The following ROCK1 variants were observed in gnomAD, a reference collection of about 807,000 sequenced individuals.
ROCK1 encodes rho-associated protein kinase 1.
ROCK1 carries 36 observed loss-of-function variants against 196.8 expected under a neutral mutation model. The ratio of observed to expected loss-of-function variants is 0.18; its 90% CI spans 0.14 to 0.24. ROCK1 has a LOEUF of 0.24. ROCK1 is among the 10% of genes least tolerant of loss of function. ROCK1 has a pLI of 1.00. For synonymous variants in ROCK1, 443 were observed against 515.9 expected, an observed-to-expected ratio of 0.86 and a Z score of 1.91; for missense variants, 920 against 1,562.0, an observed-to-expected ratio of 0.59 and a Z score of 6.93.
At position 20,953,646 on chromosome 18, in the gene ROCK1, C is replaced by T. The variant is rs1303574045; in HGVS notation, c.3993G>A (p.Thr1331=). The change falls in exon 32 of 33, where the codon ACG becomes ACA. Residue 1331 remains threonine, a synonymous_variant. Transcript: ENST00000399799. ...GATTTGCAGTGGATCTTGTAGAAAG[C>T]GTTCGAGGGGAAGCACGAACAAAAC... ...PSGFVRASPR[T]LSTRSTANQS... The T allele has an allele frequency of 4.3e-6, 7 of 1,612,560 alleles. No homozygotes were observed. Among genetic ancestry groups the T allele is most frequent in the African/African-American group, 2.7e-5 (2 of 74,788 alleles).
At chr18:21,000,570 G>A (rs1598523266) in intron 16 of ROCK1, among the ~76,000 whole-genome samples, 1 of 152,102 alleles carries the variant, frequency 6.6e-6, no homozygotes, top group African/African-American at 2.4e-5. Flanking sequence ...GCTGCCAATC[G>A]ATTTTCAACA....
At chr18:21,101,791 T>C (rs1301316169) in intron 1 of ROCK1, among the ~76,000 whole-genome samples, 1 of 151,604 alleles carries the variant, frequency 6.6e-6, no homozygotes, top group Non-Finnish European at 1.5e-5. Flanking sequence ...AATATGAATA[T>C]AAACTGGGAA....
intron 22 of ROCK1, among the ~76,000 whole-genome samples, chr18:20,974,264 G>A (rs925252352): frequency 1.3e-5 from 2 of 152,164 alleles, no homozygotes; most frequent in African/African-American, 4.8e-5. Flanking sequence ...GAGTAGAGAC[G>A]AGATGTGAAA....
chr18:21,040,529 A>G (rs1317375593), intron 8 of ROCK1, among the ~76,000 whole-genome samples: 7 of 152,202 alleles, frequency 4.6e-5, no homozygotes, highest in Non-Finnish European at 1.0e-4. Context: ...GTGCTTATAA[A>G]TAAAGAAAAT....
At chr18:21,038,610 TAGGCA>T (rs2036077969) in intron 9 of ROCK1, among the ~76,000 whole-genome samples, 10 of 152,226 alleles carry the variant, frequency 6.6e-5, no homozygotes, top group Admixed American at 6.5e-4. Context: ...CTCAACTAGA[TAGGCA>T]GTCCTTAAGA....
In ROCK1 at chr18:21,020,200, G is replaced by T. The variant is rs1473221559; in HGVS notation, c.1312C>A (p.Gln438Lys). The T allele has an allele frequency of 6.9e-6, 11 of 1,597,006 alleles. No individual in the cohort carries two copies. The highest frequency in any genetic ancestry group is 6.8e-6 in the Non-Finnish European group (8 of 1,174,924). The change falls in exon 12 of 33, where the codon CAG (glutamine) becomes AAG (lysine). Residue 438 changes from glutamine (Q) to lysine (K), a missense_variant. Coordinates refer to ENST00000399799, the MANE Select transcript of ROCK1 (RefSeq NM_005406.3). ...LQKTIYKLEE[Q>K]LHNEMQLKDE... ...TTTAACTGCATTTCATTATGCAGCTGTTCTTCCAGCTTATAGATTGTTTTT... is the reference window on the plus strand; with the variant it reads ...TTTAACTGCATTTCATTATGCAGCTTTTCTTCCAGCTTATAGATTGTTTTT...
intron 24 of ROCK1, 94 bp from the exon 25 acceptor site, chr18:20,968,954 C>CATT (rs2035400339): frequency 2.1e-6 from 2 of 959,580 alleles, no homozygotes; most frequent in African/African-American, 1.7e-5. Context: ...AATAAGTATA[C>CATT]ATTACATAGT....
chr18:21,044,124 C>G lies in ROCK1; in HGVS notation c.653G>C (p.Gly218Ala). 1 of 1,609,630 alleles carries G rather than the reference C, an allele frequency of 6.2e-7. No homozygotes were observed. The highest frequency in any genetic ancestry group is 8.5e-7 in the Non-Finnish European group (1 of 1,177,642). ...AACCTTATTCATCTTCATACAAGTA[C>G]CAAAATCTGCTAACTTCAAATGTCC... Reference protein sequence around the residue: ...KSGHLKLADFGTCMKMNKEGM... With the variant: ...KSGHLKLADFATCMKMNKEGM... Residue 218 changes from glycine to alanine, a missense_variant, in exon 6 of 33, where the codon GGT (glycine) becomes GCT (alanine). By Grantham distance (60) the Gly-to-Ala change is moderately conservative. Around this residue, in one of 6 missense-constraint regions of ROCK1, gnomAD observed 234 missense variants for 460.7 expected, o/e 0.51. Transcript: ENST00000399799.
chr18:21,062,278 C>T (rs1160174649), intron 2 of ROCK1, among the ~76,000 whole-genome samples: 1 of 151,910 alleles, frequency 6.6e-6, no homozygotes, highest in African/African-American at 2.4e-5. Flanking sequence ...AGAAGTGTTC[C>T]TTTTTTTAAA....
At chr18:21,014,431 G>A (rs1456125019) in intron 13 of ROCK1, among the ~76,000 whole-genome samples, 2 of 152,150 alleles carry the variant, frequency 1.3e-5, no homozygotes, top group African/African-American at 4.8e-5. Flanking sequence ...GAGGAATACA[G>A]AAAAGGTACT....
At chr18:21,003,414 G>C (rs965602213) in intron 16 of ROCK1, among the ~76,000 whole-genome samples, 1 of 152,060 alleles carries the variant, frequency 6.6e-6, no homozygotes, top group Non-Finnish European at 1.5e-5. Flanking sequence ...GAGACTACTA[G>C]AGGAACTTAA....
chr18:20,961,366 T>C (rs1401177601), intron 27 of ROCK1, among the ~76,000 whole-genome samples: 1 of 152,234 alleles, frequency 6.6e-6, no homozygotes, highest in Non-Finnish European at 1.5e-5. Flanking sequence ...GATTTATTTA[T>C]TCATAAATTT....
intron 13 of ROCK1, among the ~76,000 whole-genome samples, chr18:21,010,789 A>G (rs2035810121): frequency 6.6e-6 from 1 of 152,202 alleles, no homozygotes; most frequent in Admixed American, 6.5e-5. Flanking sequence ...GAAGTCTCCA[A>G]CAATAATTAT....
At position 20,980,818 on chromosome 18, in the gene ROCK1, A is replaced by T. The variant is rs1297352076; in HGVS notation, c.2560-814T>A. On this transcript the variant is annotated intron_variant, in intron 21 of 32. Transcript: ENST00000399799. ...GTAATCCCAGCTACTCAGGAGGCTGAGGCAGGAGAATCGCTTGAACCCAGG... is the reference window on the plus strand; with the variant it reads ...GTAATCCCAGCTACTCAGGAGGCTGTGGCAGGAGAATCGCTTGAACCCAGG... 5.3e-5 allele frequency among the ~76,000 whole-genome samples: 8 copies of T among 150,462 alleles called. No homozygotes were observed. The South Asian group carries it at 1.7e-3, about 32-fold the overall frequency.
chr18:21,093,747 G>C (rs928717674), intron 1 of ROCK1, among the ~76,000 whole-genome samples: 2 of 152,046 alleles, frequency 1.3e-5, no homozygotes, highest in African/African-American at 2.4e-5. Context: ...ACTTGGTTAG[G>C]AGATTGAAAC....
chr18:21,064,634 G>A (rs1249148306), intron 2 of ROCK1, among the ~76,000 whole-genome samples: 13 of 152,106 alleles, frequency 8.5e-5, no homozygotes, highest in Non-Finnish European at 1.8e-4. Flanking sequence ...ACTTGTAAAG[G>A]GCTTAAGAGC....
chr18:21,107,791 C>A (rs1251455059), intron 1 of ROCK1, among the ~76,000 whole-genome samples: 1 of 152,182 alleles, frequency 6.6e-6, no homozygotes, highest in Admixed American at 6.5e-5. Context: ...CGGTGGCTCA[C>A]GCCTGTAATC....
chr18:21,050,921 T>G (rs1457242863), intron 2 of ROCK1, among the ~76,000 whole-genome samples: 1 of 152,050 alleles, frequency 6.6e-6, no homozygotes, highest in East Asian at 1.9e-4. Context: ...AAACATAACT[T>G]TAAAATGTAG....
chr18:21,084,865 C>A (rs1288721915), intron 1 of ROCK1, among the ~76,000 whole-genome samples: 1 of 152,172 alleles, frequency 6.6e-6, no homozygotes, highest in East Asian at 1.9e-4. Context: ...TGTACACCAA[C>A]AGATGAATGG....
Sources: allele counts gnomAD v4.1 joint callset (sites outside exome capture counted in the v4.1 genomes callset), GRCh38; gene constraint gnomAD v4.1.1; regional missense constraint gnomAD v4.1.1; transcripts MANE v1.5; gene names NCBI Gene and HGNC (gene_info 2026-07-23, HGNC 2026-07-21).